PDGFRA: variants seen among roughly 807,000 people sequenced by gnomAD.
The protein encoded by PDGFRA is platelet derived growth factor receptor alpha, also known as platelet-derived growth factor receptor alpha.
PDGFRA carries 25 observed loss-of-function variants against 121.5 expected under a neutral mutation model. The ratio of observed to expected loss-of-function variants is 0.21; its 90% confidence interval spans 0.15 to 0.29. The LOEUF (loss-of-function observed/expected upper bound fraction) is 0.29, where lower values mean the gene tolerates loss of function less well. Ranked by LOEUF, PDGFRA falls within the 10% of genes least tolerant of loss-of-function variation. The pLI is 1.00. For missense variants in PDGFRA, 1,008 were observed against 1,345.1 expected, an observed-to-expected ratio of 0.75 and a Z score of 3.92; for synonymous variants, 463 against 494.8, an observed-to-expected ratio of 0.94 and a Z score of 0.85.
intron 10 of PDGFRA, 113 bp from the exon 11 acceptor site, chr4:54,274,418 C>T (rs1288768008): frequency 1.2e-6 from 1 of 802,578 alleles, no homozygotes; most frequent in East Asian, 2.4e-5. Flanking sequence ...AGCCCTCACA[C>T]TTCCCCACCA....
At chr4:54,265,323 G>C in intron 5 of PDGFRA, 1 of 406,604 alleles carries the variant, frequency 2.5e-6, no homozygotes, top group Non-Finnish European at 4.6e-6. Context: ...AAATAGGAAG[G>C]TTCTCTGGCT....
intron 12 of PDGFRA, 71 bp downstream of exon 12, chr4:54,275,044 G>T: frequency 6.6e-7 from 1 of 1,516,658 alleles, no homozygotes. Flanking sequence ...TATAGGCCTT[G>T]GCAGAATAGA....
In PDGFRA at chr4:54,297,353, T is replaced by A. The variant is rs1451267669; in HGVS notation, c.*2081T>A. 15 of 233,588 alleles carry A rather than the reference T, an allele frequency of 6.4e-5. No individual in the cohort carries two copies. The East Asian group carries it at 8.4e-4, about 13-fold the overall frequency. The allele number at this position is 233,588 out of a possible 1,614,324, so 14.5% of individuals were successfully genotyped here. A position where few individuals can be genotyped will look rare whatever the true frequency, so the allele number is the denominator to read the frequency against. On this transcript the variant is annotated 3_prime_UTR_variant, in exon 23 of 23. Transcript: ENST00000257290. Reference sequence around the variant, plus strand: ...GTGTAATCTCAATGCAAGCCCCAACTTTCTTATCCAACTTTTTCATAGTAA... The same window carrying A: ...GTGTAATCTCAATGCAAGCCCCAACATTCTTATCCAACTTTTTCATAGTAA...
intron 19 of PDGFRA, 107 bp from the exon 20 acceptor site, chr4:54,288,692 A>T: frequency 3.9e-6 from 3 of 777,192 alleles, no homozygotes. Flanking sequence ...CCAGTGCTTC[A>T]AGGCTATAGG....
intron 3 of PDGFRA, among the ~76,000 whole-genome samples, chr4:54,261,932 T>TATATATATATATATA (rs1553902514): frequency 2.8e-5 from 1 of 35,530 alleles, no homozygotes; most frequent in African/African-American, 1.1e-4. Flanking sequence ...TATATATATA[T>TATATATATATATATA]TTTTTTTTTT....
chr4:54,285,614 C>T (rs1187556725), intron 17 of PDGFRA, 128 bp downstream of exon 17: 50 of 736,856 alleles, frequency 6.8e-5, no homozygotes, highest in Non-Finnish European at 1.1e-4. Flanking sequence ...TGTCTCTCTC[C>T]TTCATCCCCT....
Position 54,277,316 on chromosome 4 carries a change from A to T in PDGFRA, c.1787-72A>T. On this transcript the variant is annotated intron_variant, in intron 12 of 22. Transcript: ENST00000257290. ...CTCGCCCAGCTGTCCGCCCGCAGAG[A>T]GCTGGCTACGGTGCAGAAAGCTGAG... 1.0e-5 allele frequency: 10 copies of T among 994,228 alleles called. No homozygotes were observed. The South Asian group carries it at 1.1e-4, about 11-fold the overall frequency. 61.6% of individuals were successfully genotyped at this position (994,228 alleles called of 1,614,324 possible). A position where few individuals can be genotyped will look rare whatever the true frequency, so the allele number is the denominator to read the frequency against.
chr4:54,233,441 C>T (rs919405540), intron 1 of PDGFRA, among the ~76,000 whole-genome samples: 2 of 152,242 alleles, frequency 1.3e-5, no homozygotes, highest in East Asian at 3.9e-4. Flanking sequence ...GCTGGCGAGC[C>T]GGGTAAGATT....
At chr4:54,255,722 G>A (rs898654427) in intron 1 of PDGFRA, among the ~76,000 whole-genome samples, 2 of 151,866 alleles carry the variant, frequency 1.3e-5, no homozygotes, top group African/African-American at 4.8e-5. Flanking sequence ...AGCCAGGATG[G>A]TCTCCATCTC....
At position 54,273,643 on chromosome 4, in the gene PDGFRA, G is replaced by A. The variant is rs563016888; in HGVS notation, c.1471G>A (p.Ala491Thr). The A allele has an allele frequency of 2.3e-5, 37 of 1,613,930 alleles. No individual in the cohort carries two copies. The highest frequency in any genetic ancestry group is 4.4e-5 in the South Asian group (4 of 91,064). ...TACCGTGGAGGGCCGTGTGACTTTC[G>A]CCAAAGTGGAGGAGACCATCGCCGT... ...RSTVEGRVTF[A>T]KVEETIAVRC... Residue 491 changes from alanine (A) to threonine (T), a missense_variant, in exon 10 of 23, where the codon GCC becomes ACC. Around this residue, in one of 5 missense-constraint regions of PDGFRA, gnomAD observed 575 missense variants for 701.8 expected, o/e 0.82. Coordinates refer to ENST00000257290, the MANE Select transcript of PDGFRA (RefSeq NM_006206.6).
chr4:54,272,373 ACTT>A lies in PDGFRA; in HGVS notation c.1238-17_1238-15del. 6 of 1,613,596 alleles carry A rather than the reference ACTT, an allele frequency of 3.7e-6. No homozygotes were observed. The highest frequency in any genetic ancestry group is 5.1e-6 in the Non-Finnish European group (6 of 1,179,834). On this transcript the variant is annotated intron_variant, in intron 8 of 22. Coordinates refer to ENST00000257290, the MANE Select transcript of PDGFRA (RefSeq NM_006206.6). ...CTGGGACACGAGCTATTCCATTCTG[ACTT>A]CTTTCTGCCTCTTGCAGTTCCTTCA...
intron 8 of PDGFRA, among the ~76,000 whole-genome samples, chr4:54,271,458 A>G (rs879285065): frequency 2.0e-5 from 3 of 152,242 alleles, no homozygotes; most frequent in Non-Finnish European, 4.4e-5. Context: ...CTTTAGCTGA[A>G]TCCATTAGTT....
In PDGFRA at chr4:54,263,987, G is replaced by A. The variant is rs2307049; in HGVS notation, c.628+60G>A. The A allele has an allele frequency of 0.15, 220,852 of 1,502,626 alleles. 19,525 individuals are homozygous for A. The highest frequency in any genetic ancestry group is 0.38 in the Admixed American group (21,517 of 56,160). The allele number at this position is 1,502,626 out of a possible 1,614,324, so 93.1% of individuals were successfully genotyped here. A position where few individuals can be genotyped will look rare whatever the true frequency, so the allele number is the denominator to read the frequency against. The stretch of plus-strand genomic sequence containing the variant: ...AGTAACAGGCAAAATCATAAGGTGC[G>A]TGTAGGATTTTTTTTTTTTTTTAAA... On this transcript the variant is annotated intron_variant, in intron 4 of 22. Coordinates refer to ENST00000257290, the MANE Select transcript of PDGFRA (RefSeq NM_006206.6).
At position 54,258,785 on chromosome 4, in the gene PDGFRA, C is replaced by A; in HGVS notation, c.17C>A (p.Pro6Gln). ...CCCAGAGCTATGGGGACTTCCCATC[C>A]GGCGTTCCTGGTCTTAGGCTGTCTT... The part of the protein sequence containing the change: MGTSH[P>Q]AFLVLGCLLT... The change falls in exon 2 of 23, where the codon CCG becomes CAG. Residue 6 changes from proline to glutamine, a missense_variant. Pro to Gln is a moderately conservative substitution (Grantham distance 76, BLOSUM62 -1). Transcript: ENST00000257290. 1 of 1,613,562 alleles carries A rather than the reference C, an allele frequency of 6.2e-7. No homozygotes were observed. The highest frequency in any genetic ancestry group is 8.5e-7 in the Non-Finnish European group (1 of 1,179,482).
chr4:54,243,815 AG>A (rs1721449239), intron 1 of PDGFRA: 1 of 152,378 alleles, frequency 6.6e-6, no homozygotes, highest in African/African-American at 2.4e-5. Flanking sequence ...TCCTAGTCAA[AG>A]AAAGGGGTGA....
At chr4:54,278,621 G>A in intron 15 of PDGFRA, 106 bp downstream of exon 15, 1 of 1,129,898 alleles carries the variant, frequency 8.9e-7, no homozygotes, top group South Asian at 1.3e-5. Flanking sequence ...AGTGCCCAAG[G>A]TAGCAAGACT....
intron 5 of PDGFRA, 62 bp downstream of exon 5, chr4:54,265,111 T>C (rs1035236496): frequency 1.1e-5 from 17 of 1,550,130 alleles, no homozygotes; most frequent in Non-Finnish European, 9.8e-6. Context: ...AAGACCTGCA[T>C]TTGAGCTCGG....
At chr4:54,264,335 A>G (rs1455772398) in intron 4 of PDGFRA, 1 of 300,304 alleles carries the variant, frequency 3.3e-6, no homozygotes, top group African/African-American at 2.2e-5. Context: ...TTTGATGTCC[A>G]CAGTTAGTAC....
Position 54,256,548 on chromosome 4 carries a change from AT to A in PDGFRA, c.-12-2195del, listed in dbSNP as rs112937152. ...CCACCGTGCCCAGCCTCTACAAATA[AT>A]TTTTTTTTTTTTTGAAATGGAATCT... is the stretch of plus-strand genomic sequence containing the variant. On this transcript the variant is annotated intron_variant, in intron 1 of 22. Transcript: ENST00000257290. Among the ~76,000 whole-genome samples the A allele has an allele frequency of 4.5e-3, 653 of 143,684 alleles. 3 individuals carry two copies. Among genetic ancestry groups the A allele is most frequent in the African/African-American group, 0.011 (429 of 39,460 alleles). The allele number at this position is 143,684 out of a possible 152,430, so 94.3% of individuals were successfully genotyped here.
Sources: gnomAD v4.1 joint callset for allele counts (sites outside exome capture counted in the v4.1 genomes callset) on GRCh38, gnomAD v4.1.1 for gene constraint, gnomAD v4.1.1 regional missense constraint, MANE v1.5 for transcripts, NCBI Gene and HGNC (gene_info 2026-07-23, HGNC 2026-07-21) for gene names.